Variants in CDCA2 observed in about 807,000 individuals in gnomAD.
The protein encoded by CDCA2 is cell division cycle-associated protein 2.
A neutral mutation model predicts 67.0 loss-of-function variants in CDCA2; 44 were observed. The ratio of observed to expected loss-of-function variants is 0.66; its 90% confidence interval spans 0.52 to 0.84. The LOEUF (loss-of-function observed/expected upper bound fraction) is 0.84, where lower values mean the gene tolerates loss of function less well. Among genes scored for constraint, CDCA2 ranks in the 40% least tolerant of loss-of-function variants. CDCA2 has a pLI of 0.00. For synonymous variants in CDCA2, 447 were observed against 418.7 expected, an observed-to-expected ratio of 1.07 and a Z score of -0.82; for missense variants, 1,253 against 1,203.2, an observed-to-expected ratio of 1.04 and a Z score of -0.61.
intron 4 of CDCA2, among the ~76,000 whole-genome samples, chr8:25,464,233 A>C (rs1211351534): frequency 6.6e-6 from 1 of 152,136 alleles, no homozygotes; most frequent in Non-Finnish European, 1.5e-5. Context: ...GGGCAACATG[A>C]CAAAACTCCA....
chr8:25,490,685 C>T (rs997807343), intron 13 of CDCA2, among the ~76,000 whole-genome samples: 2 of 152,104 alleles, frequency 1.3e-5, no homozygotes, highest in African/African-American at 4.8e-5. Context: ...CACCAGCCTC[C>T]TCCCACCCTG....
At chr8:25,503,864 A>G (rs1804574308) in intron 14 of CDCA2, among the ~76,000 whole-genome samples, 1 of 152,162 alleles carries the variant, frequency 6.6e-6, no homozygotes, top group Admixed American at 6.5e-5. Context: ...GCATTTTGTG[A>G]AAATAAATTC....
intron 14 of CDCA2, among the ~76,000 whole-genome samples, chr8:25,506,005 T>C (rs1804661354): frequency 6.6e-6 from 1 of 152,210 alleles, no homozygotes; most frequent in Non-Finnish European, 1.5e-5. Flanking sequence ...ATAGTAATTT[T>C]TAACAAAGGG....
chr8:25,494,424 T>C (rs1804127523), intron 13 of CDCA2, among the ~76,000 whole-genome samples: 1 of 152,210 alleles, frequency 6.6e-6, no homozygotes, highest in Admixed American at 6.5e-5. Context: ...TGGTGTTAAG[T>C]CATCTAGAGA....
At chr8:25,468,562 T>TGTGTGCGTGC (rs1378150629) in intron 6 of CDCA2, 149 bp downstream of exon 6, 3 of 452,694 alleles carry the variant, frequency 6.6e-6, no homozygotes, top group Non-Finnish European at 1.2e-5. Context: ...TGTGTGCGTG[T>TGTGTGCGTGC]GTGTGTGTGT....
chr8:25,466,355 C>G (rs927381521), intron 5 of CDCA2, 30 bp downstream of exon 5: 8 of 1,536,910 alleles, frequency 5.2e-6, no homozygotes, highest in Non-Finnish European at 7.0e-6. Flanking sequence ...TCAGTTTTGA[C>G]TTCAATATTT....
chr8:25,466,989 C>A (rs1185133109), intron 5 of CDCA2, among the ~76,000 whole-genome samples: 1 of 140,222 alleles, frequency 7.1e-6, no homozygotes, highest in Admixed American at 8.0e-5. Context: ...TTGCAGTGAT[C>A]CCAGATCGTG....
At chr8:25,501,113 ATATT>A (rs1236937253) in intron 13 of CDCA2, among the ~76,000 whole-genome samples, 2 of 152,204 alleles carry the variant, frequency 1.3e-5, no homozygotes, top group Non-Finnish European at 2.9e-5. Context: ...TACTGGAAAA[ATATT>A]TAACCCAGCA....
At chr8:25,499,270 T>C (rs955929607) in intron 13 of CDCA2, among the ~76,000 whole-genome samples, 5 of 150,584 alleles carry the variant, frequency 3.3e-5, no homozygotes, top group Non-Finnish European at 7.4e-5. Context: ...TCCTATATGG[T>C]GTGATTTGTT....
In CDCA2 at chr8:25,506,528, G is replaced by A. The variant is rs866917694; in HGVS notation, c.1862G>A (p.Gly621Asp). Residue 621 changes from glycine (G) to aspartate (D), a missense_variant, in exon 15 of 15, where the codon GGC (glycine) becomes GAC (aspartate). Coordinates refer to ENST00000330560, the MANE Select transcript of CDCA2 (RefSeq NM_152562.4). ...CCCATAGGTTATTTCAGTTCAAATG[G>A]CAAACTGGAAGAAGTGAAGACTCCT... ...RLGSGYFSSN[G>D]KLEEVKTPKN... 1 of 1,572,724 alleles carries A rather than the reference G, an allele frequency of 6.4e-7. No homozygotes were observed. The highest frequency in any genetic ancestry group is 8.6e-7 in the Non-Finnish European group (1 of 1,166,652).
intron 12 of CDCA2, among the ~76,000 whole-genome samples, chr8:25,487,754 T>C (rs184789362): frequency 6.6e-6 from 1 of 152,182 alleles, no homozygotes; most frequent in Non-Finnish European, 1.5e-5. Context: ...AAAAAACTAA[T>C]ACTTTATCCT....
chr8:25,507,533 A>G lies in CDCA2; in HGVS notation c.2867A>G (p.Asp956Gly). 6.2e-7 allele frequency: 1 copy of G among 1,614,036 alleles called. No individual in the cohort carries two copies. Among genetic ancestry groups the G allele is most frequent in the Non-Finnish European group, 8.5e-7 (1 of 1,180,014 alleles). ...QKPQMAPPVS[D>G]PENSQGPAAG... is the part of the protein sequence containing the mutation. ...CCGCAGATGGCACCTCCCGTCTCAG[A>G]TCCAGAAAACAGCCAGGGCCCTGCT... Residue 956 changes from aspartate (D) to glycine (G), a missense_variant, in exon 15 of 15, where the codon GAT becomes GGT. Transcript: ENST00000330560.
chr8:25,484,176 C>T lies in CDCA2; in HGVS notation c.1331C>T (p.Pro444Leu), dbSNP rs1212525122. The change falls in exon 10 of 15, where the codon CCT (proline) becomes CTT (leucine). Residue 444 changes from proline to leucine, a missense_variant. Pro to Leu is a moderately conservative substitution (Grantham distance 98). Transcript: ENST00000330560. ...LEQSPVPEPL[P>L]QPDFDDKGEN... ...CAGTCACCTGTTCCTGAGCCATTAC[C>T]TCAACCAGATTTTGATGACAAGGGG... 6.2e-7 allele frequency: 1 copy of T among 1,614,164 alleles called. No homozygotes were observed. Among genetic ancestry groups the T allele is most frequent in the Non-Finnish European group, 8.5e-7 (1 of 1,180,014 alleles).
chr8:25,503,785 G>A (rs573319159), intron 14 of CDCA2, among the ~76,000 whole-genome samples: 92 of 152,240 alleles, frequency 6.0e-4, no homozygotes, highest in Admixed American at 1.1e-3. Flanking sequence ...CAGGAAAACC[G>A]AGACACAAGA....
At chr8:25,477,017 TCTAG>T (rs2117503956) in intron 7 of CDCA2, among the ~76,000 whole-genome samples, 1 of 152,332 alleles carries the variant, frequency 6.6e-6, no homozygotes, top group African/African-American at 2.4e-5. Context: ...AGGATTGCCT[TCTAG>T]CCAGAACACC....
chr8:25,460,230 CACCTCT>C lies in CDCA2; in HGVS notation c.1-9_1-4del. 6.2e-7 allele frequency: 1 copy of C among 1,613,860 alleles called. No homozygotes were observed. The highest frequency in any genetic ancestry group is 8.5e-7 in the Non-Finnish European group (1 of 1,179,762). On this transcript the variant is annotated splice_polypyrimidine_tract_variant and splice_region_variant and intron_variant, in intron 1 of 14. Transcript: ENST00000330560. ...GGGGTTATTTTTCATTGTTTTTCTT[CACCTCT>C]TAGATGGATGCCAATTCAAAAGACA...
chr8:25,495,859 A>G (rs1351243902), intron 13 of CDCA2, among the ~76,000 whole-genome samples: 1 of 152,242 alleles, frequency 6.6e-6, no homozygotes, highest in Non-Finnish European at 1.5e-5. Flanking sequence ...ATGTGCACTC[A>G]GAGACAAAAG....
chr8:25,490,650 G>T (rs1236983821), intron 13 of CDCA2, among the ~76,000 whole-genome samples: 1 of 152,092 alleles, frequency 6.6e-6, no homozygotes, highest in Non-Finnish European at 1.5e-5. Flanking sequence ...AGTCCTATAC[G>T]TGGGACAGTT....
chr8:25,485,200 TAATAATAATAAAG>T lies in CDCA2; in HGVS notation c.1366-556_1366-544del, dbSNP rs977421008. 9.3e-5 allele frequency among the ~76,000 whole-genome samples: 9 copies of T among 96,940 alleles called. 1 individual carries two copies. The highest frequency in any genetic ancestry group is 3.4e-4 in the South Asian group (1 of 2,902). The allele number at this position is 96,940 out of a possible 152,430, so 63.6% of individuals were successfully genotyped here. On this transcript the variant is annotated intron_variant, in intron 10 of 14. Coordinates refer to ENST00000330560, the MANE Select transcript of CDCA2 (RefSeq NM_152562.4). The stretch of plus-strand genomic sequence containing the variant: ...TAAAGTATAATAATAATAATAATAA[TAATAATAATAAAG>T]AAAAAGCATTTAACAAAATATAGTA...
Sources: allele counts gnomAD v4.1 joint callset (sites outside exome capture counted in the v4.1 genomes callset), GRCh38; gene constraint gnomAD v4.1.1; transcripts MANE v1.5; gene names NCBI Gene and HGNC (gene_info 2026-07-23, HGNC 2026-07-21).